Variants in GLIS1 observed in about 807,000 individuals in gnomAD.
The protein encoded by GLIS1 is GLIS family zinc finger 1, also known as zinc finger protein GLIS1.
GLIS1 carries 24 observed loss-of-function variants against 63.8 expected under a neutral mutation model. That is an observed-to-expected ratio of 0.38 (90% confidence interval 0.27 to 0.53). The LOEUF (loss-of-function observed/expected upper bound fraction) is 0.53. Among genes scored for constraint, GLIS1 ranks in the 20% least tolerant of loss-of-function variants. The pLI is 0.85. For missense variants in GLIS1, 1,036 were observed against 1,074.1 expected (o/e 0.96, Z 0.50); for synonymous variants, 450 against 482.5 (o/e 0.93, Z 0.88).
intron 2 of GLIS1, among the ~76,000 whole-genome samples, chr1:53,659,897 T>C (rs919866324): frequency 2.0e-5 from 3 of 152,212 alleles, no homozygotes; most frequent in Non-Finnish European, 4.4e-5. Flanking sequence ...TAAAGGTAGA[T>C]GTTGACTTTT....
chr1:53,673,460 A>G (rs1363117404), intron 2 of GLIS1, among the ~76,000 whole-genome samples: 1 of 152,246 alleles, frequency 6.6e-6, no homozygotes, highest in Non-Finnish European at 1.5e-5. Context: ...GACTACGCTC[A>G]GCAGCTGTGA....
chr1:53,571,195 T>C (rs1350458222), intron 4 of GLIS1, among the ~76,000 whole-genome samples: 1 of 152,132 alleles, frequency 6.6e-6, no homozygotes, highest in South Asian at 2.1e-4. Context: ...AAAATGAAAA[T>C]TAAGACCACG....
At chr1:53,620,076 C>G (rs1010898514) in intron 2 of GLIS1, among the ~76,000 whole-genome samples, 1 of 152,194 alleles carries the variant, frequency 6.6e-6, no homozygotes, top group Non-Finnish European at 1.5e-5. Flanking sequence ...GTTAGTTCTG[C>G]AAGGCTGAGA....
At chr1:53,635,438 T>C (rs933297461) in intron 2 of GLIS1, among the ~76,000 whole-genome samples, 1 of 152,176 alleles carries the variant, frequency 6.6e-6, no homozygotes, top group Admixed American at 6.5e-5. Flanking sequence ...TTCAAACTTC[T>C]GGAATATGGC....
At chr1:53,590,714 C>T (rs943966801) in intron 4 of GLIS1, among the ~76,000 whole-genome samples, 2 of 152,098 alleles carry the variant, frequency 1.3e-5, no homozygotes, top group Non-Finnish European at 2.9e-5. Context: ...ACTCGGGCAA[C>T]GTAAGAAACA....
At chr1:53,668,518 T>C (rs975315601) in intron 2 of GLIS1, among the ~76,000 whole-genome samples, 8 of 152,162 alleles carry the variant, frequency 5.3e-5, no homozygotes, top group South Asian at 2.1e-4. Flanking sequence ...CACGCCACCA[T>C]GCCCGGCTAA....
At chr1:53,556,625 T>TGTGTGTGTGTGCAGGTGTACTGCAGGTAG (rs1644834409) in intron 4 of GLIS1, among the ~76,000 whole-genome samples, 1 of 86,300 alleles carries the variant, frequency 1.2e-5, no homozygotes, top group Non-Finnish European at 2.0e-5. Flanking sequence ...ACTGCAGGTA[T>TGTGTGTGTGTGCAGGTGTACTGCAGGTAG]GTGTTTGTGT....
chr1:53,622,427 C>CAAAAAAAAAAAAA (rs60923620), intron 2 of GLIS1, among the ~76,000 whole-genome samples: 1 of 132,300 alleles, frequency 7.6e-6, no homozygotes, highest in African/African-American at 3.0e-5. Context: ...GACTATGTCT[C>CAAAAAAAAAAAAA]AAAAAAAAAA....
intron 2 of GLIS1, among the ~76,000 whole-genome samples, chr1:53,620,321 C>A (rs1206786996): frequency 1.3e-5 from 2 of 152,220 alleles, no homozygotes; most frequent in South Asian, 4.1e-4. Flanking sequence ...GCTGACATCG[C>A]AGTGTACCAC....
chr1:53,555,193 C>G (rs1240856619), intron 4 of GLIS1, among the ~76,000 whole-genome samples: 1 of 152,226 alleles, frequency 6.6e-6, no homozygotes, highest in African/African-American at 2.4e-5. Flanking sequence ...TTCTCTTATA[C>G]CTTGTTTGTG....
chr1:53,544,474 C>T (rs945111792), intron 4 of GLIS1, among the ~76,000 whole-genome samples: 2 of 152,222 alleles, frequency 1.3e-5, no homozygotes, highest in African/African-American at 4.8e-5. Context: ...CTGGCCGTTG[C>T]TCCCAGATCC....
At chr1:53,641,204 T>G (rs1645783737) in intron 2 of GLIS1, among the ~76,000 whole-genome samples, 1 of 152,168 alleles carries the variant, frequency 6.6e-6, no homozygotes, top group South Asian at 2.1e-4. Flanking sequence ...CAAAAGGTGC[T>G]CATCCTCCAG....
In GLIS1 at chr1:53,594,593, G is replaced by A; in HGVS notation, c.835C>T (p.Leu279Phe). ...TCTCCCGTCAGAGGGGGGCTCCGGA[G>A]TCCATTTACACAGGTGACCAGAGAC... ...QTSLVTCVNGLRSPPLTGDLG... is the reference protein window; with the variant it reads ...QTSLVTCVNGFRSPPLTGDLG... The change falls in exon 4 of 11, where the codon CTC becomes TTC. Residue 279 changes from leucine (L) to phenylalanine (F), a missense_variant. Physicochemically the swap from Leu to Phe is conservative, Grantham distance 22. Around this residue, in one of 3 missense-constraint regions of GLIS1, gnomAD observed 592 missense variants for 593.9 expected, o/e 1.00. Coordinates refer to ENST00000628545, the MANE Select transcript of GLIS1 (RefSeq NM_001367484.1). The A allele has an allele frequency of 1.3e-6, 2 of 1,590,180 alleles. No individual in the cohort carries two copies. The highest frequency in any genetic ancestry group is 1.7e-6 in the Non-Finnish European group (2 of 1,164,938).
At chr1:53,586,070 C>T (rs1479330373) in intron 4 of GLIS1, among the ~76,000 whole-genome samples, 2 of 152,124 alleles carry the variant, frequency 1.3e-5, no homozygotes, top group Non-Finnish European at 2.9e-5. Flanking sequence ...CTCAGTCTCC[C>T]CTCTGCACAG....
chr1:53,632,681 AGT>A (rs1454356332), intron 2 of GLIS1, among the ~76,000 whole-genome samples: 1 of 126,514 alleles, frequency 7.9e-6, no homozygotes, highest in Non-Finnish European at 1.6e-5. Flanking sequence ...TGTGTGAATG[AGT>A]GTGAATGAGA....
intron 4 of GLIS1, among the ~76,000 whole-genome samples, chr1:53,548,781 G>T (rs1159312044): frequency 6.6e-6 from 1 of 152,184 alleles, no homozygotes; most frequent in Admixed American, 6.5e-5. Context: ...TCTGTTGAAA[G>T]GTACTTCACA....
At chr1:53,638,348 T>C (rs753799602) in intron 2 of GLIS1, among the ~76,000 whole-genome samples, 8 of 152,152 alleles carry the variant, frequency 5.3e-5, no homozygotes, top group African/African-American at 9.7e-5. Context: ...GGGTGTTGCC[T>C]GCAGGAAACC....
At chr1:53,683,586 C>T (rs1478372466) in intron 2 of GLIS1, among the ~76,000 whole-genome samples, 1 of 152,080 alleles carries the variant, frequency 6.6e-6, no homozygotes, top group East Asian at 1.9e-4. Context: ...CTGTGTCTGG[C>T]ACACAGCATG....
At chr1:53,508,380 A>C (rs1482117266) in intron 10 of GLIS1, among the ~76,000 whole-genome samples, 1 of 151,982 alleles carries the variant, frequency 6.6e-6, no homozygotes, top group Non-Finnish European at 1.5e-5. Context: ...TCACTACCTC[A>C]AAGCTGCCCC....
Sources: allele counts gnomAD v4.1 joint callset (sites outside exome capture counted in the v4.1 genomes callset), GRCh38; gene constraint gnomAD v4.1.1; regional missense constraint gnomAD v4.1.1; transcripts MANE v1.5; gene names NCBI Gene and HGNC (gene_info 2026-07-23, HGNC 2026-07-21).